SLC4A10: variants seen among roughly 807,000 people sequenced by gnomAD.
SLC4A10 encodes sodium-driven chloride bicarbonate exchanger.
Under a neutral mutation model 137.7 loss-of-function variants are expected in SLC4A10, and 42 were observed. That is an observed-to-expected ratio of 0.30 (90% CI 0.24 to 0.39). The LOEUF (loss-of-function observed/expected upper bound fraction) is 0.39, where lower values mean the gene tolerates loss of function less well. Among genes scored for constraint, SLC4A10 ranks in the 10% least tolerant of loss-of-function variants. The pLI is 1.00. For synonymous variants in SLC4A10, 474 were observed against 464.1 expected, an observed-to-expected ratio of 1.02 and a Z score of -0.27; for missense variants, 925 against 1,355.0, an observed-to-expected ratio of 0.68 and a Z score of 4.98.
intron 1 of SLC4A10, among the ~76,000 whole-genome samples, chr2:161,667,741 C>T (rs2039226256): frequency 6.6e-6 from 1 of 151,616 alleles, no homozygotes; most frequent in African/African-American, 2.4e-5. Flanking sequence ...ATTCAAACTA[C>T]TTTTGCTCTT....
At chr2:161,810,706 G>T (rs959274768) in intron 3 of SLC4A10, among the ~76,000 whole-genome samples, 1 of 151,954 alleles carries the variant, frequency 6.6e-6, no homozygotes, top group Non-Finnish European at 1.5e-5. Flanking sequence ...TTGCATTCCA[G>T]GAATGAAGCC....
At chr2:161,926,264 A>G (rs1368959045) in intron 15 of SLC4A10, among the ~76,000 whole-genome samples, 1 of 148,982 alleles carries the variant, frequency 6.7e-6, no homozygotes, top group African/African-American at 2.4e-5. Flanking sequence ...TATTTAGGAT[A>G]GTTAGCTCTT....
chr2:161,698,253 A>G (rs941767374), intron 1 of SLC4A10, among the ~76,000 whole-genome samples: 1 of 152,210 alleles, frequency 6.6e-6, no homozygotes, highest in Non-Finnish European at 1.5e-5. Flanking sequence ...TTATCTGCAA[A>G]CAGGACAATT....
intron 4 of SLC4A10, among the ~76,000 whole-genome samples, chr2:161,847,509 G>A (rs188035643): frequency 4.6e-5 from 7 of 151,918 alleles, no homozygotes; most frequent in South Asian, 2.1e-4. Context: ...TTTTGTCACC[G>A]AATAGGTAGT....
chr2:161,909,481 T>G (rs11898733), intron 15 of SLC4A10, among the ~76,000 whole-genome samples: 151,714 of 152,296 alleles, frequency 1, 75,568 homozygotes, highest in East Asian at 1. Context: ...GGTTCATCCT[T>G]ATGGGCATGA....
At chr2:161,966,252 T>G (rs1697557549) in intron 23 of SLC4A10, among the ~76,000 whole-genome samples, 1 of 152,182 alleles carries the variant, frequency 6.6e-6, no homozygotes, top group Admixed American at 6.5e-5. Context: ...TCACTAACAA[T>G]GGATTCCCAC....
chr2:161,777,478 T>G (rs1444972490), intron 2 of SLC4A10, among the ~76,000 whole-genome samples: 1 of 152,000 alleles, frequency 6.6e-6, no homozygotes, highest in East Asian at 1.9e-4. Flanking sequence ...TTAGTCCATT[T>G]TCACGCTGCT....
At chr2:161,936,953 G>A (rs1451344309) in intron 15 of SLC4A10, among the ~76,000 whole-genome samples, 1 of 152,076 alleles carries the variant, frequency 6.6e-6, no homozygotes, top group Non-Finnish European at 1.5e-5. Context: ...CCTTTTTGAT[G>A]TAAGTGTTTA....
intron 16 of SLC4A10, among the ~76,000 whole-genome samples, chr2:161,943,475 T>C (rs1693129651): frequency 6.6e-6 from 1 of 152,100 alleles, no homozygotes; most frequent in Non-Finnish European, 1.5e-5. Flanking sequence ...TCCTGTGCCA[T>C]TGTCTTATTT....
chr2:161,868,351 T>C (rs978984295), intron 6 of SLC4A10, among the ~76,000 whole-genome samples: 3 of 151,812 alleles, frequency 2.0e-5, no homozygotes, highest in African/African-American at 7.2e-5. Flanking sequence ...AAAATGACTT[T>C]ACCAGTCTCA....
intron 1 of SLC4A10, among the ~76,000 whole-genome samples, chr2:161,697,338 T>C (rs979726873): frequency 6.6e-6 from 1 of 152,226 alleles, no homozygotes; most frequent in Non-Finnish European, 1.5e-5. Context: ...TTTTGGCTTT[T>C]GTTGCCATTG....
At chr2:161,972,627 T>A (rs1175762143) in intron 23 of SLC4A10, among the ~76,000 whole-genome samples, 2 of 152,144 alleles carry the variant, frequency 1.3e-5, no homozygotes, top group East Asian at 1.9e-4. Flanking sequence ...ATAAAATTAG[T>A]TACTGGAATG....
At chr2:161,924,947 G>A (rs1221280780) in intron 15 of SLC4A10, among the ~76,000 whole-genome samples, 2 of 152,092 alleles carry the variant, frequency 1.3e-5, no homozygotes, top group African/African-American at 4.8e-5. Context: ...AGGAAAATGT[G>A]GATGGTGTAG....
At chr2:161,868,208 G>T (rs1335969445) in intron 6 of SLC4A10, among the ~76,000 whole-genome samples, 2 of 151,622 alleles carry the variant, frequency 1.3e-5, no homozygotes, top group Non-Finnish European at 3.0e-5. Flanking sequence ...TACTCAACAG[G>T]GTTTTTGAGA....
chr2:161,931,917 T>TAC (rs1196526820), intron 15 of SLC4A10, among the ~76,000 whole-genome samples: 1 of 152,220 alleles, frequency 6.6e-6, no homozygotes, highest in Non-Finnish European at 1.5e-5. Context: ...ACACTTTATG[T>TAC]ACACACACAT....
At chr2:161,827,885 T>C (rs1383547975) in intron 3 of SLC4A10, among the ~76,000 whole-genome samples, 1 of 152,184 alleles carries the variant, frequency 6.6e-6, no homozygotes, top group Non-Finnish European at 1.5e-5. Flanking sequence ...TGATTCTTTA[T>C]TGCTTGAAAA....
intron 1 of SLC4A10, among the ~76,000 whole-genome samples, chr2:161,672,322 GA>G (rs1558996593): frequency 6.6e-6 from 1 of 151,958 alleles, no homozygotes; most frequent in African/African-American, 2.4e-5. Context: ...AATATCTAAA[GA>G]GTGACTTTCA....
intron 23 of SLC4A10, among the ~76,000 whole-genome samples, chr2:161,973,430 T>C (rs1698892669): frequency 6.6e-6 from 1 of 152,208 alleles, no homozygotes; most frequent in South Asian, 2.1e-4. Flanking sequence ...ATCCCAAAGA[T>C]TTAGTTTTAA....
chr2:161,644,068 C>CTTTTTTTTTTTTTTTTTTTTT (rs5835873), intron 1 of SLC4A10, among the ~76,000 whole-genome samples: 1 of 143,732 alleles, frequency 7.0e-6, no homozygotes, highest in Non-Finnish European at 1.5e-5. Flanking sequence ...GGCTTCTAAT[C>CTTTTTTTTTTTTTTTTTTTTT]TTTTTTTTTT....
Sources: gnomAD v4.1 joint callset for allele counts (sites outside exome capture counted in the v4.1 genomes callset) on GRCh38, gnomAD v4.1.1 for gene constraint, MANE v1.5 for transcripts, NCBI Gene and HGNC (gene_info 2026-07-23, HGNC 2026-07-21) for gene names.